The following ERMARD variants were observed in gnomAD, a reference collection of about 807,000 sequenced individuals.
ERMARD encodes endoplasmic reticulum membrane-associated RNA degradation protein.
Under a neutral mutation model 83.9 loss-of-function variants are expected in ERMARD, and 71 were observed. That is an observed-to-expected ratio of 0.85 (90% CI 0.70 to 1.03). ERMARD has a LOEUF of 1.03. ERMARD is among the 50% of genes least tolerant of loss of function. The probability of loss-of-function intolerance (pLI) is 0.00; values close to 1 mark genes in which losing one functional copy is unlikely to be tolerated. For missense variants in ERMARD, 838 were observed against 810.9 expected, an observed-to-expected ratio of 1.03 and a Z score of -0.41; for synonymous variants, 284 against 298.6, an observed-to-expected ratio of 0.95 and a Z score of 0.50.
chr6:169,759,865 G>A lies in ERMARD; in HGVS notation c.633G>A (p.Thr211=), dbSNP rs754240113. The change falls in exon 7 of 18, where the codon ACG becomes ACA. Residue 211 remains threonine, a synonymous_variant. Coordinates refer to ENST00000366773, the MANE Select transcript of ERMARD (RefSeq NM_018341.3). ...PKYCSMMILL[T]AGLGQLLKSY... ...ACTGTTCAATGATGATACTGTTGAC[G>A]GCAGGATTGGGTCAGTTACTGAAGA... 8.7e-6 allele frequency: 14 copies of A among 1,613,972 alleles called. No homozygotes were observed. The highest frequency in any genetic ancestry group is 5.5e-5 in the South Asian group (5 of 91,078).
chr6:169,759,812 T>G, intron 6 of ERMARD, 26 bp from the exon 7 acceptor site: 1 of 1,591,770 alleles, frequency 6.3e-7, no homozygotes, highest in South Asian at 1.1e-5. Context: ...TACATTTTTG[T>G]AACAGATCTC....
At chr6:169,766,431 G>A (rs952873500) in intron 9 of ERMARD, among the ~76,000 whole-genome samples, 3 of 152,176 alleles carry the variant, frequency 2.0e-5, no homozygotes, top group African/African-American at 4.8e-5. Context: ...CGGCTTCATG[G>A]CCAGCTGCAC....
At position 169,768,585 on chromosome 6, in the gene ERMARD, G is replaced by A. The variant is rs1585390319; in HGVS notation, c.1059+414G>A. Among the ~76,000 whole-genome samples the A allele has an allele frequency of 3.3e-5, 5 of 152,194 alleles. No homozygotes were observed. The South Asian group carries it at 6.2e-4, about 19-fold the overall frequency. ...AGTCTGGTCAATATGTTGAAACCCC[G>A]TCTCTACTAAAAATGCAAAAATTAG... On this transcript the variant is annotated intron_variant, in intron 11 of 17. Coordinates refer to ENST00000366773, the MANE Select transcript of ERMARD (RefSeq NM_018341.3).
chr6:169,756,216 A>G, intron 3 of ERMARD, 122 bp from the exon 4 acceptor site: 1 of 490,728 alleles, frequency 2.0e-6, no homozygotes, highest in Non-Finnish European at 3.6e-6. Flanking sequence ...ATGTTTACTT[A>G]TTCACTGAAA....
upstream of ERMARD, chr6:169,751,455 C>G (rs1274243261): frequency 1.2e-6 from 2 of 1,613,816 alleles, no homozygotes; most frequent in South Asian, 1.1e-5. Flanking sequence ...CCTCGCTTCT[C>G]CATCTCGCTC....
intron 10 of ERMARD, 52 bp downstream of exon 10, chr6:169,766,719 T>C: frequency 6.6e-7 from 1 of 1,504,580 alleles, no homozygotes; most frequent in Non-Finnish European, 8.9e-7. Flanking sequence ...CGCTGTCTTC[T>C]TTTAAAATAC....
rs750834865 is a variant in ERMARD, at chr6:169,759,913, T to TA, written c.682dup (p.Thr228AsnfsTer21). 1.2e-6 allele frequency: 2 copies of TA among 1,614,110 alleles called. No individual in the cohort carries two copies. Among genetic ancestry groups the TA allele is most frequent in the Admixed American group, 3.3e-5 (2 of 60,002 alleles). On this transcript the variant is annotated frameshift_variant, in exon 7 of 18. Transcript: ENST00000366773. LOFTEE classifies it high-confidence loss of function. ...AGAGTTACCTTCAAAACACTAAACT[T>TA]ACATTGGCACATCGCTCTTTCATAT...
intron 17 of ERMARD, among the ~76,000 whole-genome samples, chr6:169,780,122 G>A (rs1794039375): frequency 6.6e-6 from 1 of 151,332 alleles, no homozygotes; most frequent in Non-Finnish European, 1.5e-5. Flanking sequence ...GAGTGAGGGA[G>A]CAAACATGCA....
chr6:169,777,487 G>A (rs1793732014), intron 16 of ERMARD, among the ~76,000 whole-genome samples: 1 of 152,208 alleles, frequency 6.6e-6, no homozygotes, highest in African/African-American at 2.4e-5. Context: ...GGCTTAGTGA[G>A]TTTGGGGTCC....
At chr6:169,758,326 C>G (rs1791078045) in intron 5 of ERMARD, among the ~76,000 whole-genome samples, 1 of 152,210 alleles carries the variant, frequency 6.6e-6, no homozygotes, top group Non-Finnish European at 1.5e-5. Flanking sequence ...TATGGCGCCT[C>G]AAACCCAAAG....
At position 169,776,127 on chromosome 6, in the gene ERMARD, CTT is replaced by C. The variant is rs991480138; in HGVS notation, c.1520+63_1520+64del. On this transcript the variant is annotated intron_variant, in intron 15 of 17. Coordinates refer to ENST00000366773, the MANE Select transcript of ERMARD (RefSeq NM_018341.3). Reference sequence around the variant, plus strand: ...TGATTCAGCAGATTAGCATAGCAAACTTAGCATTTTCTATGTTTTAGATTTTA... The same window carrying C: ...TGATTCAGCAGATTAGCATAGCAAACAGCATTTTCTATGTTTTAGATTTTA... 3.8e-6 allele frequency: 6 copies of C among 1,592,688 alleles called. No homozygotes were observed. The East Asian group carries it at 1.1e-4, about 30-fold the overall frequency.
Position 169,779,652 on chromosome 6 carries a change from T to A in ERMARD, c.1853+357T>A, listed in dbSNP as rs544811622. Among the ~76,000 whole-genome samples the A allele has an allele frequency of 2.0e-4, 30 of 152,218 alleles. No homozygotes were observed. The South Asian group carries it at 3.5e-3, about 18-fold the overall frequency. On this transcript the variant is annotated intron_variant, in intron 17 of 17. Coordinates refer to ENST00000366773, the MANE Select transcript of ERMARD (RefSeq NM_018341.3). The stretch of plus-strand genomic sequence containing the variant: ...GGGACCACAGCCATGCCACCATACC[T>A]GGCTAATTTTTAAATGTTTTTGTAG...
intron 16 of ERMARD, among the ~76,000 whole-genome samples, chr6:169,778,166 T>C (rs1373785732): frequency 4.6e-5 from 7 of 152,246 alleles, no homozygotes; most frequent in Admixed American, 4.6e-4. Context: ...ACGAATGTGC[T>C]TCTCCACACG....
chr6:169,760,644 G>A lies in ERMARD; in HGVS notation c.745G>A (p.Val249Ile), dbSNP rs1319649932. 1.9e-6 allele frequency: 3 copies of A among 1,583,812 alleles called. No individual in the cohort carries two copies. The highest frequency in any genetic ancestry group is 2.7e-5 in the African/African-American group (2 of 74,220). The change falls in exon 8 of 18, where the codon GTT (valine) becomes ATT (isoleucine). Residue 249 changes from valine to isoleucine, a missense_variant and splice_region_variant. Physicochemically the swap from Val to Ile is conservative, Grantham distance 29. Transcript: ENST00000366773. Reference sequence around the variant, plus strand: ...TAAAACCGTGTGTTATTTTACAGATGTTACTTATGAGGTGCTTTCAGTATT... The same window carrying A: ...TAAAACCGTGTGTTATTTTACAGATATTACTTATGAGGTGCTTTCAGTATT... ...NLEDLIVFPD[V>I]TYEVLSVLEE...
intron 10 of ERMARD, chr6:169,766,952 T>G (rs1792286257): frequency 3.1e-6 from 1 of 322,966 alleles, no homozygotes; most frequent in East Asian, 5.0e-5. Context: ...ATTTTAGATT[T>G]AGGGGTGACA....
At chr6:169,765,151 C>T (rs973622267) in intron 9 of ERMARD, among the ~76,000 whole-genome samples, 4 of 152,218 alleles carry the variant, frequency 2.6e-5, no homozygotes, top group Admixed American at 6.5e-5. Flanking sequence ...CACGGTGGCA[C>T]GCACCATCAC....
At chr6:169,767,924 G>C (rs1025519298) in intron 10 of ERMARD, 179 bp from the exon 11 acceptor site, 6 of 609,128 alleles carry the variant, frequency 9.9e-6, no homozygotes, top group Non-Finnish European at 1.8e-5. Context: ...AAGTCATTCT[G>C]TTGGTTAAGA....
chr6:169,755,924 A>G (rs1790758657), intron 3 of ERMARD, among the ~76,000 whole-genome samples: 1 of 152,196 alleles, frequency 6.6e-6, no homozygotes, highest in African/African-American at 2.4e-5. Context: ...AGCAGTAACT[A>G]TAACAAATCT....
intron 10 of ERMARD, chr6:169,767,555 A>G (rs887097903): frequency 6.3e-6 from 1 of 157,614 alleles, no homozygotes; most frequent in Admixed American, 6.1e-5. Context: ...GCATACACAC[A>G]CTCTAATGTG....
Sources: gnomAD v4.1 joint callset for allele counts (sites outside exome capture counted in the v4.1 genomes callset) on GRCh38, gnomAD v4.1.1 for gene constraint, MANE v1.5 for transcripts, NCBI Gene and HGNC (gene_info 2026-07-23, HGNC 2026-07-21) for gene names.